GABRA2: variants seen among roughly 807,000 people sequenced by gnomAD.
The protein encoded by GABRA2 is gamma-aminobutyric acid type A receptor subunit alpha2.
In GABRA2, 16 loss-of-function variants were observed where a neutral mutation model predicts 48.7. The observed-to-expected ratio is 0.33, with a 90% confidence interval of 0.22 to 0.50. GABRA2 has a LOEUF of 0.50. Among genes scored for constraint, GABRA2 ranks in the 20% least tolerant of loss-of-function variants. The pLI, the probability that GABRA2 is intolerant of heterozygous loss-of-function variation, is 0.98. For missense variants in GABRA2, 275 were observed against 535.6 expected (o/e 0.51, Z 4.80); for synonymous variants, 185 against 184.5 (o/e 1.00, Z -0.02).
intron 8 of GABRA2, among the ~76,000 whole-genome samples, chr4:46,274,369 TTA>T (rs1275543139): frequency 6.6e-6 from 1 of 152,094 alleles, no homozygotes; most frequent in Non-Finnish European, 1.5e-5. Context: ...TCAAAGACAC[TTA>T]TGTCTAAATT....
chr4:46,264,379 A>G (rs1217135645), intron 8 of GABRA2, among the ~76,000 whole-genome samples: 2 of 152,096 alleles, frequency 1.3e-5, no homozygotes, highest in African/African-American at 4.8e-5. Context: ...GTGAGAGCAG[A>G]CATCTGTGTC....
intron 4 of GABRA2, among the ~76,000 whole-genome samples, chr4:46,323,741 A>C (rs909389306): frequency 1.3e-5 from 2 of 151,908 alleles, no homozygotes; most frequent in Non-Finnish European, 1.5e-5. Context: ...TCATTAAAAA[A>C]AAAAAGGTAT....
At chr4:46,304,712 G>A (rs1470419834) in intron 7 of GABRA2, among the ~76,000 whole-genome samples, 2 of 151,692 alleles carry the variant, frequency 1.3e-5, no homozygotes, top group Admixed American at 6.6e-5. Flanking sequence ...GGCTGATCAC[G>A]AGGTCAGGAG....
rs562274776 is a variant in GABRA2, at chr4:46,245,865, A to G, written c.*4443T>C. On this transcript the variant is annotated 3_prime_UTR_variant, in exon 10 of 10. Coordinates refer to ENST00000381620, the MANE Select transcript of GABRA2 (RefSeq NM_000807.4). Reference sequence around the variant, plus strand: ...ATTAAATACATCATTGAGTAGTTTGAGGTGGGACGTATAACCACCTTTATA... The same window carrying G: ...ATTAAATACATCATTGAGTAGTTTGGGGTGGGACGTATAACCACCTTTATA... Among the ~76,000 whole-genome samples the G allele has an allele frequency of 2.3e-4, 35 of 151,260 alleles. 1 individual carries two copies. Among genetic ancestry groups the G allele is most frequent in the African/African-American group, 8.2e-4 (34 of 41,464 alleles).
intron 6 of GABRA2, among the ~76,000 whole-genome samples, chr4:46,308,335 A>G (rs545653864): frequency 3.9e-5 from 6 of 152,296 alleles, no homozygotes; most frequent in African/African-American, 1.2e-4. Flanking sequence ...GCTTCTTTTG[A>G]TTGAGGACAC....
At chr4:46,303,710 A>T (rs1232786834) in intron 7 of GABRA2, 98 bp from the exon 8 acceptor site, 4 of 986,624 alleles carry the variant, frequency 4.1e-6, no homozygotes, top group Non-Finnish European at 6.0e-6. Context: ...CTGATTTTTT[A>T]AAAAATAATA....
At chr4:46,383,445 T>C (rs1171716114) in intron 3 of GABRA2, among the ~76,000 whole-genome samples, 1 of 152,116 alleles carries the variant, frequency 6.6e-6, no homozygotes, top group Non-Finnish European at 1.5e-5. Context: ...CAATGAGCTG[T>C]TCACAGAAAA....
At chr4:46,366,174 G>C (rs1455390764) in intron 3 of GABRA2, 1 of 152,022 alleles carries the variant, frequency 6.6e-6, no homozygotes, top group Non-Finnish European at 1.5e-5. Flanking sequence ...TCAGCAGTGA[G>C]AGTAACAGAT....
chr4:46,278,764 A>G (rs1720978166), intron 8 of GABRA2, among the ~76,000 whole-genome samples: 1 of 152,096 alleles, frequency 6.6e-6, no homozygotes, highest in Admixed American at 6.6e-5. Context: ...TACACTGAAA[A>G]CAAGTATTTC....
chr4:46,257,782 C>T (rs984470143), intron 9 of GABRA2, among the ~76,000 whole-genome samples: 1 of 151,304 alleles, frequency 6.6e-6, no homozygotes, highest in African/African-American at 2.4e-5. Flanking sequence ...GTAAAAAAAA[C>T]TATAAAAAGT....
chr4:46,327,149 C>CT (rs1416916577), intron 4 of GABRA2, among the ~76,000 whole-genome samples: 1 of 151,950 alleles, frequency 6.6e-6, no homozygotes, highest in African/African-American at 2.4e-5. Context: ...TCATAGAACT[C>CT]TTACCTTCCT....
At chr4:46,358,063 CACTT>C (rs1367503254) in intron 3 of GABRA2, among the ~76,000 whole-genome samples, 1 of 152,048 alleles carries the variant, frequency 6.6e-6, no homozygotes, top group Non-Finnish European at 1.5e-5. Context: ...ATATGAGACA[CACTT>C]ACAGTGTTTC....
chr4:46,387,698 C>G (rs1290120752), intron 2 of GABRA2, among the ~76,000 whole-genome samples: 1 of 152,010 alleles, frequency 6.6e-6, no homozygotes, highest in African/African-American at 2.4e-5. Context: ...CAAATGAAAG[C>G]AAGGCTTTAT....
At chr4:46,280,865 T>C (rs1203147618) in intron 8 of GABRA2, among the ~76,000 whole-genome samples, 1 of 152,168 alleles carries the variant, frequency 6.6e-6, no homozygotes, top group East Asian at 1.9e-4. Flanking sequence ...GACAGCTCAC[T>C]TGCTCTCTTT....
Position 46,360,123 on chromosome 4 carries a change from A to T in GABRA2, c.187+25951T>A, listed in dbSNP as rs574447293. On this transcript the variant is annotated intron_variant, in intron 3 of 9. Coordinates refer to ENST00000381620, the MANE Select transcript of GABRA2 (RefSeq NM_000807.4). ...GAAATCAAATAATATTAAAGTCAGC[A>T]TTTCTTAAAGCTTATTTAGCATTTT... Among the ~76,000 whole-genome samples, 12 of 152,256 alleles carry T rather than the reference A, an allele frequency of 7.9e-5. 1 individual carries two copies. Among genetic ancestry groups the T allele is most frequent in the African/African-American group, 2.4e-4 (10 of 41,560 alleles).
At chr4:46,366,407 G>A (rs1714046468) in intron 3 of GABRA2, 1 of 152,094 alleles carries the variant, frequency 6.6e-6, no homozygotes, top group Middle Eastern at 3.2e-3. Context: ...TTACACAAAT[G>A]TAACAAATAG....
At position 46,243,561 on chromosome 4, in the gene GABRA2, T is replaced by C. The variant is rs1283843076; in HGVS notation, c.*6747A>G. The C allele has an allele frequency of 6.6e-6, 1 of 151,618 alleles. No individual in the cohort carries two copies. The highest frequency in any genetic ancestry group is 1.5e-5 in the Non-Finnish European group (1 of 67,678). The allele number at this position is 151,618 out of a possible 1,614,324, so 9.4% of individuals were successfully genotyped here. A position where few individuals can be genotyped will look rare whatever the true frequency, so the allele number is the denominator to read the frequency against. On this transcript the variant is annotated 3_prime_UTR_variant, in exon 10 of 10. Coordinates refer to ENST00000381620, the MANE Select transcript of GABRA2 (RefSeq NM_000807.4). The stretch of plus-strand genomic sequence containing the variant: ...TTTCAGAGCAAATATATTTAAATCA[T>C]TTTTAATAAATACAAAAAAGTTGTT...
At chr4:46,321,327 C>T (rs1266075048) in intron 4 of GABRA2, among the ~76,000 whole-genome samples, 2 of 151,668 alleles carry the variant, frequency 1.3e-5, no homozygotes, top group African/African-American at 4.8e-5. Flanking sequence ...TAAAACATAA[C>T]GACTATAATT....
At chr4:46,375,308 T>C (rs1048902132) in intron 3 of GABRA2, among the ~76,000 whole-genome samples, 17 of 152,188 alleles carry the variant, frequency 1.1e-4, no homozygotes, top group African/African-American at 3.9e-4. Context: ...ATGAGGGTAT[T>C]TTAAGTTAAA....
Sources: allele counts gnomAD v4.1 joint callset (sites outside exome capture counted in the v4.1 genomes callset), GRCh38; gene constraint gnomAD v4.1.1; transcripts MANE v1.5; gene names NCBI Gene and HGNC (gene_info 2026-07-23, HGNC 2026-07-21).